The following NDUFS4 variants were observed in gnomAD, a reference collection of about 807,000 sequenced individuals.
NDUFS4 encodes NADH dehydrogenase [ubiquinone] iron-sulfur protein 4, mitochondrial.
Under a neutral mutation model 24.3 loss-of-function variants are expected in NDUFS4, and 28 were observed. That is an observed-to-expected ratio of 1.15 (90% CI 0.85 to 1.58). The LOEUF is 1.58. Among genes scored for constraint, NDUFS4 ranks in the 40% most tolerant of loss-of-function variants. The pLI is 0.00. For synonymous variants in NDUFS4, 93 were observed against 69.7 expected (o/e 1.34, Z -1.67); for missense variants, 223 against 207.9 (o/e 1.07, Z -0.45).
intron 1 of NDUFS4, among the ~76,000 whole-genome samples, chr5:53,586,003 A>G (rs1455110159): frequency 6.6e-6 from 1 of 152,126 alleles, no homozygotes; most frequent in Admixed American, 6.5e-5. Context: ...TTTGCTGACT[A>G]GTATAGAATA....
At chr5:53,591,461 TGGG>T (rs374748766) in intron 1 of NDUFS4, among the ~76,000 whole-genome samples, 2 of 81,186 alleles carry the variant, frequency 2.5e-5, no homozygotes, top group African/African-American at 5.0e-5. Context: ...TTGTTTTTTT[TGGG>T]GGGGGGGGGT....
chr5:53,564,297 C>T (rs1317228022), intron 1 of NDUFS4, among the ~76,000 whole-genome samples: 1 of 152,148 alleles, frequency 6.6e-6, no homozygotes, highest in Non-Finnish European at 1.5e-5. Flanking sequence ...ATAGGCTAAG[C>T]TCAAATTTAG....
intron 4 of NDUFS4, among the ~76,000 whole-genome samples, chr5:53,669,407 A>C (rs1752606213): frequency 6.6e-6 from 1 of 152,062 alleles, no homozygotes; most frequent in African/African-American, 2.4e-5. Context: ...CCTCGTTAAT[A>C]CTGTTCTCAT....
At chr5:53,606,777 C>T (rs555707688) in intron 2 of NDUFS4, among the ~76,000 whole-genome samples, 3 of 152,336 alleles carry the variant, frequency 2.0e-5, no homozygotes, top group African/African-American at 7.2e-5. Flanking sequence ...TCCGTCCCCA[C>T]TTTCAACATT....
chr5:53,644,056 C>CTAT (rs1454742501), intron 2 of NDUFS4, among the ~76,000 whole-genome samples: 1 of 152,100 alleles, frequency 6.6e-6, no homozygotes, highest in East Asian at 1.9e-4. Flanking sequence ...TACTTTGTAG[C>CTAT]TCAAATACTG....
intron 2 of NDUFS4, 104 bp downstream of exon 2, chr5:53,603,634 A>G (rs987556423): frequency 8.8e-5 from 78 of 885,516 alleles, no homozygotes; most frequent in Non-Finnish European, 1.4e-4. Context: ...AGTGATTTGA[A>G]TTTGAATTTC....
chr5:53,620,397 A>G (rs914330736), intron 2 of NDUFS4, among the ~76,000 whole-genome samples: 2 of 152,174 alleles, frequency 1.3e-5, no homozygotes, highest in African/African-American at 2.4e-5. Context: ...GAAGTACTTC[A>G]AGGCTTAGTA....
intron 1 of NDUFS4, among the ~76,000 whole-genome samples, chr5:53,585,729 C>T (rs1312892303): frequency 2.0e-5 from 3 of 149,212 alleles, no homozygotes; most frequent in Non-Finnish European, 3.0e-5. Flanking sequence ...GCAACAAGAG[C>T]GTAACTCCGT....
At chr5:53,561,990 T>C (rs1400570780) in intron 1 of NDUFS4, among the ~76,000 whole-genome samples, 2 of 151,946 alleles carry the variant, frequency 1.3e-5, no homozygotes, top group African/African-American at 4.8e-5. Context: ...ATATGGAAAG[T>C]ATTTTTCCTT....
rs1749236423 is a variant in NDUFS4 at position 53,572,300 on chromosome 5, G to A, written c.98+11540G>A. 2.0e-5 allele frequency among the ~76,000 whole-genome samples: 3 copies of A among 152,172 alleles called. No individual in the cohort carries two copies. In the South Asian group the frequency reaches 6.2e-4, roughly 32 times the overall value. On this transcript the variant is annotated intron_variant, in intron 1 of 4. Transcript: ENST00000296684. Reference sequence around the variant, plus strand: ...CACCTCTCACATGAGAGTTTTATAGGGAAGGTTAGATAATCCTAGATTTTA... The same window carrying A: ...CACCTCTCACATGAGAGTTTTATAGAGAAGGTTAGATAATCCTAGATTTTA...
chr5:53,602,202 T>G (rs1750343706), intron 1 of NDUFS4, among the ~76,000 whole-genome samples: 1 of 152,234 alleles, frequency 6.6e-6, no homozygotes, highest in South Asian at 2.1e-4. Flanking sequence ...TTAATTGCCA[T>G]GTTACTGACC....
intron 1 of NDUFS4, among the ~76,000 whole-genome samples, chr5:53,577,523 T>C (rs1382721860): frequency 6.6e-6 from 1 of 152,062 alleles, no homozygotes; most frequent in Non-Finnish European, 1.5e-5. Context: ...CTAATATCTA[T>C]TGTTTATTGT....
chr5:53,649,354 C>T (rs1297662424), intron 3 of NDUFS4, among the ~76,000 whole-genome samples: 3 of 152,098 alleles, frequency 2.0e-5, no homozygotes, highest in African/African-American at 7.2e-5. Flanking sequence ...ACTCTTGCCC[C>T]CTTCTCCCTC....
chr5:53,640,553 G>A (rs1247146082), intron 2 of NDUFS4, among the ~76,000 whole-genome samples: 1 of 152,126 alleles, frequency 6.6e-6, no homozygotes, highest in African/African-American at 2.4e-5. Context: ...AGATTACATG[G>A]TGATAGAGGA....
chr5:53,655,868 G>T (rs374560379), intron 3 of NDUFS4, among the ~76,000 whole-genome samples: 1 of 152,244 alleles, frequency 6.6e-6, no homozygotes, highest in East Asian at 1.9e-4. Context: ...AAAGCACAAG[G>T]TGTTTACCCA....
chr5:53,669,876 A>T (rs1328633531), intron 4 of NDUFS4, among the ~76,000 whole-genome samples: 8 of 151,912 alleles, frequency 5.3e-5, no homozygotes, highest in Non-Finnish European at 1.2e-4. Flanking sequence ...CTTTTCTTTA[A>T]ATCACCTTAA....
At chr5:53,584,009 G>A (rs1179719453) in intron 1 of NDUFS4, among the ~76,000 whole-genome samples, 2 of 152,182 alleles carry the variant, frequency 1.3e-5, no homozygotes, top group African/African-American at 4.8e-5. Flanking sequence ...GTATCTGGCA[G>A]GTACAGGCAA....
chr5:53,607,476 T>C (rs1235557036), intron 2 of NDUFS4, among the ~76,000 whole-genome samples: 3 of 152,118 alleles, frequency 2.0e-5, no homozygotes, highest in Non-Finnish European at 2.9e-5. Flanking sequence ...ATTGAAATTC[T>C]GTAAAAAAAA....
intron 2 of NDUFS4, among the ~76,000 whole-genome samples, chr5:53,620,158 T>G (rs910658480): frequency 3.9e-5 from 6 of 152,118 alleles, no homozygotes; most frequent in African/African-American, 1.4e-4. Flanking sequence ...TTAAATATTT[T>G]TTGATACCTA....
Sources: allele counts gnomAD v4.1 joint callset (sites outside exome capture counted in the v4.1 genomes callset), GRCh38; gene constraint gnomAD v4.1.1; transcripts MANE v1.5; gene names NCBI Gene and HGNC (gene_info 2026-07-23, HGNC 2026-07-21).